RORA: variants seen among roughly 807,000 people sequenced by gnomAD.
RORA encodes the protein RAR related orphan receptor A, also known as nuclear receptor ROR-alpha.
Under a neutral mutation model 69.5 loss-of-function variants are expected in RORA, and 7 were observed. The observed-to-expected ratio is 0.10, with a 90% CI of 0.06 to 0.19. RORA has a LOEUF of 0.19. Among genes scored for constraint, RORA ranks in the 10% least tolerant of loss-of-function variants. The probability of loss-of-function intolerance (pLI) is 1.00; values close to 1 mark genes in which losing one functional copy is unlikely to be tolerated. For missense variants in RORA, 457 were observed against 663.0 expected (o/e 0.69, Z 3.41); for synonymous variants, 261 against 240.8 (o/e 1.08, Z -0.78).
rs1031450878 is a variant in RORA, at chr15:60,864,295, G to A, written c.167-185609C>T. Among the ~76,000 whole-genome samples, 5 of 152,310 alleles carry A rather than the reference G, an allele frequency of 3.3e-5. No individual in the cohort carries two copies. The East Asian group carries it at 7.7e-4, about 23-fold the overall frequency. ...TAATAATGCAATTAACTTATGATAT[G>A]TTATTGAGTGCTTGAAGAATGGATA... On this transcript the variant is annotated intron_variant, in intron 1 of 10. Transcript: ENST00000335670.
chr15:61,174,294 T>C (rs927222905), intron 1 of RORA, among the ~76,000 whole-genome samples: 3 of 152,212 alleles, frequency 2.0e-5, no homozygotes, highest in Non-Finnish European at 4.4e-5. Flanking sequence ...CCTTCTTCCA[T>C]AGGGAGCCAT....
At chr15:60,679,718 G>A (rs957328115) in intron 1 of RORA, among the ~76,000 whole-genome samples, 2 of 151,966 alleles carry the variant, frequency 1.3e-5, no homozygotes, top group African/African-American at 2.4e-5. Context: ...GGAACATGTC[G>A]TACGGGGAAG....
rs543353825 is a variant in RORA at position 60,978,961 on chromosome 15, C to CTTTTTTTTTTTTTTTT, written c.166+250076_166+250091dup. Among the ~76,000 whole-genome samples, 504 of 95,086 alleles carry CTTTTTTTTTTTTTTTT rather than the reference C, an allele frequency of 5.3e-3. 80 individuals are homozygous for CTTTTTTTTTTTTTTTT. The highest frequency in any genetic ancestry group is 0.019 in the African/African-American group (473 of 24,382). The allele number at this position is 95,086 out of a possible 152,430, so 62.4% of individuals were successfully genotyped here. A position where few individuals can be genotyped will look rare whatever the true frequency, so the allele number is the denominator to read the frequency against. Reference sequence around the variant, plus strand: ...GAAGTGTGAGTCCTCCAACTTTGCTCTTTTTTTTTTTTTTTTTTGAGACGG... The same window carrying CTTTTTTTTTTTTTTTT: ...GAAGTGTGAGTCCTCCAACTTTGCTCTTTTTTTTTTTTTTTTTTTTTTTTTTTTTTTTTTGAGACGG... On this transcript the variant is annotated intron_variant, in intron 1 of 10. Coordinates refer to ENST00000335670, the MANE Select transcript of RORA (RefSeq NM_134261.3).
chr15:60,935,964 T>G (rs1301968344), intron 1 of RORA, among the ~76,000 whole-genome samples: 1 of 152,192 alleles, frequency 6.6e-6, no homozygotes, highest in Non-Finnish European at 1.5e-5. Flanking sequence ...CTCTTTGAGT[T>G]GGGCAAACTG....
intron 1 of RORA, among the ~76,000 whole-genome samples, chr15:61,112,580 A>C (rs1018832686): frequency 1.3e-5 from 2 of 152,206 alleles, no homozygotes; most frequent in African/African-American, 4.8e-5. Flanking sequence ...TGCCACGCGT[A>C]TTTAACGCTC....
intron 1 of RORA, among the ~76,000 whole-genome samples, chr15:60,870,665 G>A (rs572375409): frequency 5.3e-5 from 8 of 152,206 alleles, no homozygotes; most frequent in African/African-American, 1.9e-4. Flanking sequence ...CCTACTTGGC[G>A]TCACAAAAGC....
chr15:60,747,616 G>A (rs2071666633), intron 1 of RORA, among the ~76,000 whole-genome samples: 1 of 152,114 alleles, frequency 6.6e-6, no homozygotes, highest in African/African-American at 2.4e-5. Flanking sequence ...TTCAGAATAG[G>A]TGAGGCTTTC....
chr15:60,622,963 G>A (rs916181235), intron 2 of RORA, among the ~76,000 whole-genome samples: 1 of 152,062 alleles, frequency 6.6e-6, no homozygotes, highest in Non-Finnish European at 1.5e-5. Context: ...TGATCCACCC[G>A]CCTCAGTCTC....
At chr15:60,984,145 A>G (rs1268797229) in intron 1 of RORA, among the ~76,000 whole-genome samples, 1 of 152,204 alleles carries the variant, frequency 6.6e-6, no homozygotes, top group South Asian at 2.1e-4. Context: ...TTTCTCATAT[A>G]CAATTATTTT....
intron 1 of RORA, among the ~76,000 whole-genome samples, chr15:61,177,790 G>A (rs1360149842): frequency 8.6e-5 from 13 of 151,656 alleles, no homozygotes; most frequent in Non-Finnish European, 2.9e-5. Context: ...GTGAGATCTC[G>A]TCTCTACTAA....
At chr15:60,815,340 C>A (rs1445089546) in intron 1 of RORA, among the ~76,000 whole-genome samples, 1 of 152,102 alleles carries the variant, frequency 6.6e-6, no homozygotes, top group African/African-American at 2.4e-5. Flanking sequence ...CTCTCCCTGG[C>A]AAAACAAGGG....
At chr15:60,777,673 T>G (rs2072191144) in intron 1 of RORA, among the ~76,000 whole-genome samples, 1 of 152,176 alleles carries the variant, frequency 6.6e-6, no homozygotes, top group African/African-American at 2.4e-5. Context: ...TTCAGCACGG[T>G]AGGCATTTAC....
At chr15:60,872,466 G>A (rs888514822) in intron 1 of RORA, among the ~76,000 whole-genome samples, 10 of 152,140 alleles carry the variant, frequency 6.6e-5, no homozygotes, top group African/African-American at 2.4e-4. Context: ...AATGGTACCT[G>A]AGAGACCACA....
intron 2 of RORA, among the ~76,000 whole-genome samples, chr15:60,539,926 T>C (rs534182876): frequency 6.6e-6 from 1 of 152,284 alleles, no homozygotes; most frequent in South Asian, 2.1e-4. Context: ...TTGAAGATTT[T>C]CTAGGACCCT....
chr15:60,523,303 A>T (rs1231989542), intron 3 of RORA, among the ~76,000 whole-genome samples: 3 of 152,188 alleles, frequency 2.0e-5, no homozygotes, highest in African/African-American at 7.2e-5. Context: ...TTCATGTTGG[A>T]ACTAGTCTTT....
intron 1 of RORA, among the ~76,000 whole-genome samples, chr15:61,105,774 T>A (rs2078942740): frequency 6.6e-6 from 1 of 152,184 alleles, no homozygotes; most frequent in Non-Finnish European, 1.5e-5. Flanking sequence ...GCTCTGAGCT[T>A]CTCTCTTTTA....
intron 1 of RORA, among the ~76,000 whole-genome samples, chr15:60,973,042 G>A (rs1160372738): frequency 6.6e-6 from 1 of 151,388 alleles, no homozygotes; most frequent in Non-Finnish European, 1.5e-5. Context: ...TAAGTCATCC[G>A]ATGACTCATG....
At chr15:60,585,617 T>A (rs1328221333) in intron 2 of RORA, among the ~76,000 whole-genome samples, 1 of 152,190 alleles carries the variant, frequency 6.6e-6, no homozygotes, top group Non-Finnish European at 1.5e-5. Flanking sequence ...GGGTTGGGAA[T>A]TAGAATGGAG....
Position 60,511,170 on chromosome 15 carries a change from C to T in RORA, c.820+56G>A. ...CATTAGAGGAAAGTCAGACATACCCCTTTTACTTCAAAGGGCATGAATAGA... is the reference window on the plus strand; with the variant it reads ...CATTAGAGGAAAGTCAGACATACCCTTTTTACTTCAAAGGGCATGAATAGA... On this transcript the variant is annotated intron_variant, in intron 5 of 10. Transcript: ENST00000335670. The surrounding 1 kb of genome is among the most constrained non-coding windows in gnomAD (Gnocchi z 6.4). 2 of 1,540,830 alleles carry T rather than the reference C, an allele frequency of 1.3e-6. No homozygotes were observed. The highest frequency in any genetic ancestry group is 4.5e-5 in the East Asian group (2 of 44,390).
Sources: allele counts gnomAD v4.1 joint callset (sites outside exome capture counted in the v4.1 genomes callset), GRCh38; gene constraint gnomAD v4.1.1; non-coding constraint Gnocchi (gnomAD v3.1); transcripts MANE v1.5; gene names NCBI Gene and HGNC (gene_info 2026-07-23, HGNC 2026-07-21).